The following WHRN variants were observed in gnomAD, a reference collection of about 807,000 sequenced individuals.
WHRN encodes whirlin, also known as CASK-interacting protein CIP98.
Under a neutral mutation model 68.3 loss-of-function variants are expected in WHRN, and 41 were observed. The ratio of observed to expected loss-of-function variants is 0.60; its 90% CI spans 0.47 to 0.78. The LOEUF is 0.78. Ranked by LOEUF, WHRN falls within the 30% of genes least tolerant of loss-of-function variation. The pLI, the probability that WHRN is intolerant of heterozygous loss-of-function variation, is 0.00. For missense variants in WHRN, 1,243 were observed against 1,244.7 expected (o/e 1.00, Z 0.02); for synonymous variants, 560 against 561.3 (o/e 1.00, Z 0.03).
chr9:114,466,264 C>T lies in WHRN; in HGVS notation c.963+3G>A, dbSNP rs1247842039. ...GTTTTCCCTCCCTCAGGCCCTCCCT[C>T]ACCTTGAGCCCGCTGCCTTCTGCTT... On this transcript the variant is annotated splice_donor_region_variant and intron_variant, in intron 3 of 11. Coordinates refer to ENST00000362057, the MANE Select transcript of WHRN (RefSeq NM_015404.4). 6.2e-7 allele frequency: 1 copy of T among 1,613,964 alleles called. No individual in the cohort carries two copies. Among genetic ancestry groups the T allele is most frequent in the Non-Finnish European group, 8.5e-7 (1 of 1,180,036 alleles).
intron 3 of WHRN, among the ~76,000 whole-genome samples, chr9:114,463,051 G>A (rs1840375685): frequency 1.3e-5 from 2 of 152,182 alleles, no homozygotes; most frequent in African/African-American, 2.4e-5. Flanking sequence ...ACAACGTTAC[G>A]TAAGCTGTTC....
At chr9:114,446,605 A>G (rs1378523317) in intron 3 of WHRN, among the ~76,000 whole-genome samples, 1 of 152,122 alleles carries the variant, frequency 6.6e-6, no homozygotes, top group African/African-American at 2.4e-5. Context: ...TGTATTATGT[A>G]TTGAACTTAT....
intron 3 of WHRN, among the ~76,000 whole-genome samples, chr9:114,429,220 C>T (rs188411573): frequency 4.7e-4 from 71 of 152,304 alleles, no homozygotes; most frequent in South Asian, 1.7e-3. Context: ...CGTGAGCCAC[C>T]GCGCCCCGCC....
intron 1 of WHRN, among the ~76,000 whole-genome samples, chr9:114,493,319 C>A (rs1341590550): frequency 1.5e-5 from 2 of 136,510 alleles, no homozygotes; most frequent in African/African-American, 5.7e-5. Flanking sequence ...CCACTGCACT[C>A]CAGCCTGGCC....
At chr9:114,445,467 T>C (rs1838737450) in intron 3 of WHRN, among the ~76,000 whole-genome samples, 1 of 152,192 alleles carries the variant, frequency 6.6e-6, no homozygotes, top group Non-Finnish European at 1.5e-5. Context: ...AATTTTAATT[T>C]CAAGTTCTTT....
At chr9:114,463,943 T>C (rs919806305) in intron 3 of WHRN, among the ~76,000 whole-genome samples, 6 of 152,132 alleles carry the variant, frequency 3.9e-5, no homozygotes, top group African/African-American at 1.4e-4. Context: ...TCATTGGCTG[T>C]GCAACTCTCC....
chr9:114,431,502 C>A (rs964133936), intron 3 of WHRN, among the ~76,000 whole-genome samples: 11 of 152,240 alleles, frequency 7.2e-5, no homozygotes, highest in African/African-American at 2.7e-4. Flanking sequence ...CACCCCAGCA[C>A]AGCACTGGCA....
At chr9:114,405,997 G>C (rs1232909429) in intron 9 of WHRN, among the ~76,000 whole-genome samples, 1 of 152,238 alleles carries the variant, frequency 6.6e-6, no homozygotes, top group Non-Finnish European at 1.5e-5. Context: ...ATGGCGGACA[G>C]GAAGGGAAGC....
chr9:114,410,390 G>GATGGATGA lies in WHRN; in HGVS notation c.1627-2380_1627-2373dup, dbSNP rs1230793851. ...TGATGAATCCATGAATGAATGGCAG[G>GATGGATGA]ATGGATGAATGAATGAATCAATCAC... On this transcript the variant is annotated intron_variant, in intron 7 of 11. Coordinates refer to ENST00000362057, the MANE Select transcript of WHRN (RefSeq NM_015404.4). 2.6e-5 allele frequency among the ~76,000 whole-genome samples: 4 copies of GATGGATGA among 152,370 alleles called. No homozygotes were observed. The South Asian group carries it at 6.2e-4, about 24-fold the overall frequency.
intron 1 of WHRN, among the ~76,000 whole-genome samples, chr9:114,490,753 A>T (rs1478697650): frequency 6.6e-6 from 1 of 152,238 alleles, no homozygotes; most frequent in East Asian, 1.9e-4. Context: ...AAAGAAAAAA[A>T]CATAAACCTT....
At chr9:114,452,300 G>A (rs1381468520) in intron 3 of WHRN, among the ~76,000 whole-genome samples, 1 of 152,222 alleles carries the variant, frequency 6.6e-6, no homozygotes, top group African/African-American at 2.4e-5. Flanking sequence ...CATCGGGCAG[G>A]TGTCACCAAC....
chr9:114,457,676 GA>G (rs1419889900), intron 3 of WHRN, among the ~76,000 whole-genome samples: 1 of 152,286 alleles, frequency 6.6e-6, no homozygotes, highest in South Asian at 2.1e-4. Context: ...AACAGTTTGG[GA>G]GGCCGAGGCG....
chr9:114,472,466 CTTTCT>C (rs1564197194), intron 2 of WHRN, among the ~76,000 whole-genome samples: 2 of 152,194 alleles, frequency 1.3e-5, no homozygotes, highest in Non-Finnish European at 1.5e-5. Context: ...GCTTCAGATC[CTTTCT>C]TTTGTCACCT....
chr9:114,479,463 A>G (rs1268006646), intron 1 of WHRN, among the ~76,000 whole-genome samples: 2 of 152,204 alleles, frequency 1.3e-5, no homozygotes, highest in South Asian at 2.1e-4. Flanking sequence ...AATAAACCCT[A>G]GCCACAGGTA....
chr9:114,490,296 C>T (rs1842875560), intron 1 of WHRN, among the ~76,000 whole-genome samples: 1 of 152,142 alleles, frequency 6.6e-6, no homozygotes. Flanking sequence ...GGTGATTCGA[C>T]AATTGAGGAA....
At chr9:114,404,207 G>T in intron 9 of WHRN, 130 bp from the exon 10 acceptor site, 1 of 1,039,778 alleles carries the variant, frequency 9.6e-7, no homozygotes, top group Non-Finnish European at 1.4e-6. Flanking sequence ...GGGAAGGAAT[G>T]AAGAGATCGT....
intron 3 of WHRN, among the ~76,000 whole-genome samples, chr9:114,447,231 G>T (rs1838903332): frequency 6.6e-6 from 1 of 152,120 alleles, no homozygotes; most frequent in African/African-American, 2.4e-5. Context: ...TGGACTGACT[G>T]CTCCCACCTG....
At chr9:114,470,413 G>C (rs907493104) in intron 2 of WHRN, among the ~76,000 whole-genome samples, 2 of 152,180 alleles carry the variant, frequency 1.3e-5, no homozygotes, top group Non-Finnish European at 1.5e-5. Context: ...TGGCAGGAGA[G>C]TGGGGGAAAT....
Position 114,504,864 on chromosome 9 carries a change from C to T in WHRN, c.-63G>A. On this transcript the variant is annotated 5_prime_UTR_variant, in exon 1 of 12. Coordinates refer to ENST00000362057, the MANE Select transcript of WHRN (RefSeq NM_015404.4). ...GGTGTGGGCGGTGCCGCTGTCCTCG[C>T]GGGTACTGGCGCGACAGCTGGATCC... 7.5e-7 allele frequency: 1 copy of T among 1,337,386 alleles called. No homozygotes were observed. Among genetic ancestry groups the T allele is most frequent in the Non-Finnish European group, 9.5e-7 (1 of 1,053,536 alleles). The allele number at this position is 1,337,386 out of a possible 1,614,324, so 82.8% of individuals were successfully genotyped here.
Sources: allele counts gnomAD v4.1 joint callset (sites outside exome capture counted in the v4.1 genomes callset), GRCh38; gene constraint gnomAD v4.1.1; transcripts MANE v1.5; gene names NCBI Gene and HGNC (gene_info 2026-07-23, HGNC 2026-07-21).